The following ATF6 variants were observed in gnomAD, a reference collection of about 807,000 sequenced individuals.
The protein encoded by ATF6 is cyclic AMP-dependent transcription factor ATF-6 alpha.
A neutral mutation model predicts 83.6 loss-of-function variants in ATF6; 53 were observed. The ratio of observed to expected loss-of-function variants is 0.63; its 90% CI spans 0.51 to 0.80. The LOEUF is 0.80. Among genes scored for constraint, ATF6 ranks in the 30% least tolerant of loss-of-function variants. The pLI is 0.00. For synonymous variants in ATF6, 288 were observed against 285.8 expected (o/e 1.01, Z -0.08); for missense variants, 744 against 797.9 (o/e 0.93, Z 0.81).
chr1:161,922,486 CA>C (rs932115203), intron 15 of ATF6, among the ~76,000 whole-genome samples: 1 of 150,284 alleles, frequency 6.7e-6, no homozygotes, highest in Non-Finnish European at 1.5e-5. Context: ...CAGAAGAAAA[CA>C]AAAAAAAATT....
At chr1:161,814,740 C>G (rs983305889) in intron 7 of ATF6, among the ~76,000 whole-genome samples, 1 of 151,954 alleles carries the variant, frequency 6.6e-6, no homozygotes, top group African/African-American at 2.4e-5. Flanking sequence ...CTGCTTTAAA[C>G]AATTTAATGA....
chr1:161,799,706 G>A lies in ATF6; in HGVS notation c.689-2346G>A, dbSNP rs527805755. 2.0e-5 allele frequency among the ~76,000 whole-genome samples: 3 copies of A among 152,252 alleles called. No individual in the cohort carries two copies. In the South Asian group the frequency reaches 6.2e-4, roughly 32 times the overall value. On this transcript the variant is annotated intron_variant, in intron 6 of 15. Transcript: ENST00000367942. ...CTCCAAATCCATGAAATTATTTTTA[G>A]ATCTTCTTATCTGGGATAAAATGCT...
intron 7 of ATF6, among the ~76,000 whole-genome samples, chr1:161,815,105 A>G (rs1181282967): frequency 1.3e-5 from 2 of 152,000 alleles, no homozygotes; most frequent in African/African-American, 4.8e-5. Context: ...TGATTCATCC[A>G]TAGGTTATCA....
At chr1:161,830,467 C>G (rs1043968167) in intron 9 of ATF6, among the ~76,000 whole-genome samples, 4 of 152,026 alleles carry the variant, frequency 2.6e-5, no homozygotes, top group African/African-American at 9.7e-5. Flanking sequence ...CATATGGAAC[C>G]AAAAAAGAGC....
intron 14 of ATF6, among the ~76,000 whole-genome samples, chr1:161,911,054 A>G (rs1483652728): frequency 2.0e-5 from 3 of 152,160 alleles, no homozygotes; most frequent in Admixed American, 1.3e-4. Flanking sequence ...GCTGATAATC[A>G]CACTTCATAA....
chr1:161,826,813 T>A (rs988537756), intron 9 of ATF6, among the ~76,000 whole-genome samples: 2 of 152,086 alleles, frequency 1.3e-5, no homozygotes, highest in Non-Finnish European at 2.9e-5. Flanking sequence ...AACAGTGAAA[T>A]ATTAAAGCCC....
intron 7 of ATF6, among the ~76,000 whole-genome samples, chr1:161,818,995 G>A (rs1189523532): frequency 1.3e-5 from 2 of 152,200 alleles, no homozygotes; most frequent in Non-Finnish European, 2.9e-5. Flanking sequence ...CCTGTATTAG[G>A]AGAGTGGAAG....
chr1:161,781,058 CTG>C, intron 2 of ATF6, among the ~76,000 whole-genome samples: 1 of 152,216 alleles, frequency 6.6e-6, no homozygotes, highest in Middle Eastern at 3.4e-3. Context: ...CTTTTTGTCT[CTG>C]TGACTCCAGA....
intron 14 of ATF6, among the ~76,000 whole-genome samples, chr1:161,879,701 A>C (rs1460426614): frequency 1.3e-5 from 2 of 152,060 alleles, no homozygotes; most frequent in African/African-American, 4.8e-5. Flanking sequence ...ACACTGTATT[A>C]TTATATCTTT....
At chr1:161,791,086 C>CTGTGTGTGTG (rs758372809) in intron 4 of ATF6, among the ~76,000 whole-genome samples, 5 of 86,224 alleles carry the variant, frequency 5.8e-5, no homozygotes, top group African/African-American at 3.7e-4. Flanking sequence ...GTGTGTGTCT[C>CTGTGTGTGTG]TGTGTGTGTG....
At chr1:161,766,585 C>G in intron 1 of ATF6, 143 bp downstream of exon 1, 1 of 654,154 alleles carries the variant, frequency 1.5e-6, no homozygotes, top group Admixed American at 3.0e-5. Flanking sequence ...TGTTCGTGCC[C>G]CTGGAAGAGT....
intron 14 of ATF6, among the ~76,000 whole-genome samples, chr1:161,878,806 C>T (rs1474506562): frequency 6.6e-6 from 1 of 152,092 alleles, no homozygotes; most frequent in African/African-American, 2.4e-5. Flanking sequence ...GTCACTGATA[C>T]ACTTGACAAG....
intron 9 of ATF6, among the ~76,000 whole-genome samples, chr1:161,828,673 G>A (rs182516986): frequency 6.6e-6 from 1 of 152,282 alleles, no homozygotes; most frequent in East Asian, 1.9e-4. Flanking sequence ...CAAATGAAAA[G>A]TCTTTCCTGA....
At chr1:161,845,313 C>G (rs2101817618) in intron 9 of ATF6, among the ~76,000 whole-genome samples, 2 of 152,242 alleles carry the variant, frequency 1.3e-5, no homozygotes, top group South Asian at 2.1e-4. Flanking sequence ...TGCATTTTAT[C>G]CCTCCAAATA....
chr1:161,889,420 T>TTA (rs1317704364), intron 14 of ATF6, among the ~76,000 whole-genome samples: 1 of 152,238 alleles, frequency 6.6e-6, no homozygotes, highest in African/African-American at 2.4e-5. Context: ...GAACAATCCT[T>TTA]AATAAACTTC....
At chr1:161,876,577 T>G (rs1365576082) in intron 14 of ATF6, among the ~76,000 whole-genome samples, 1 of 152,060 alleles carries the variant, frequency 6.6e-6, no homozygotes, top group Non-Finnish European at 1.5e-5. Flanking sequence ...TTCTTTGAAC[T>G]CTACATGATT....
At chr1:161,904,557 C>A (rs1469275403) in intron 14 of ATF6, among the ~76,000 whole-genome samples, 1 of 151,948 alleles carries the variant, frequency 6.6e-6, no homozygotes, top group Admixed American at 6.6e-5. Context: ...TACTGTACTC[C>A]AGCCTGGGTG....
At chr1:161,854,070 C>T (rs1040383811) in intron 12 of ATF6, among the ~76,000 whole-genome samples, 32 of 152,094 alleles carry the variant, frequency 2.1e-4, no homozygotes, top group African/African-American at 7.2e-4. Context: ...AAACACAAAG[C>T]AGCATAGGAG....
intron 15 of ATF6, among the ~76,000 whole-genome samples, chr1:161,944,479 G>T (rs946570522): frequency 1.4e-4 from 21 of 152,160 alleles, no homozygotes; most frequent in Non-Finnish European, 2.5e-4. Context: ...AATTTGTTCA[G>T]TTCTATGCAT....
Sources: allele counts gnomAD v4.1 joint callset (sites outside exome capture counted in the v4.1 genomes callset), GRCh38; gene constraint gnomAD v4.1.1; transcripts MANE v1.5; gene names NCBI Gene and HGNC (gene_info 2026-07-23, HGNC 2026-07-21).